Variants in TMEM161B observed in about 807,000 individuals in gnomAD.
TMEM161B encodes transmembrane protein 161B.
A neutral mutation model predicts 61.8 loss-of-function variants in TMEM161B; 34 were observed. The ratio of observed to expected loss-of-function variants is 0.55; its 90% CI spans 0.42 to 0.73. TMEM161B has a LOEUF of 0.73. TMEM161B is among the 30% of genes least tolerant of loss of function. TMEM161B has a pLI of 0.00. For synonymous variants in TMEM161B, 167 were observed against 192.8 expected, an observed-to-expected ratio of 0.87 and a Z score of 1.11; for missense variants, 456 against 558.5, an observed-to-expected ratio of 0.82 and a Z score of 1.85.
At chr5:88,190,372 G>A, downstream of TMEM161B, 1 of 654,946 alleles carries the variant, frequency 1.5e-6, no homozygotes, top group Non-Finnish European at 2.8e-6. Flanking sequence ...TAGATGGGTG[G>A]TTTCATGCAC....
chr5:88,206,018 T>C, intron 7 of TMEM161B, 64 bp from the exon 8 acceptor site: 6 of 1,241,118 alleles, frequency 4.8e-6, no homozygotes, highest in Non-Finnish European at 6.8e-6. Context: ...GAATTTCTTT[T>C]CTTCTAATCA....
At chr5:88,206,008 G>A in intron 7 of TMEM161B, 54 bp from the exon 8 acceptor site, 1 of 1,334,456 alleles carries the variant, frequency 7.5e-7, no homozygotes, top group East Asian at 2.5e-5. Flanking sequence ...AGCTTTTGAA[G>A]AATTTCTTTT....
chr5:88,261,317 C>T (rs541112880), intron 1 of TMEM161B, among the ~76,000 whole-genome samples: 1 of 151,490 alleles, frequency 6.6e-6, no homozygotes, highest in South Asian at 2.1e-4. Context: ...AGGATATTAC[C>T]AAGGAGGCAG....
intron 1 of TMEM161B, among the ~76,000 whole-genome samples, chr5:88,243,540 A>G (rs921850224): frequency 6.6e-6 from 1 of 151,946 alleles, no homozygotes; most frequent in Non-Finnish European, 1.5e-5. Context: ...TATTGTGAAT[A>G]GTGCTGCAAT....
At chr5:88,255,514 T>C (rs775997280) in intron 1 of TMEM161B, among the ~76,000 whole-genome samples, 1 of 152,212 alleles carries the variant, frequency 6.6e-6, no homozygotes, top group African/African-American at 2.4e-5. Flanking sequence ...TCCTATGAAA[T>C]TGCTAATACT....
In TMEM161B at chr5:88,228,454, T is replaced by C. The variant is rs772422752; in HGVS notation, c.182A>G (p.Lys61Arg). The C allele has an allele frequency of 3.1e-6, 5 of 1,606,432 alleles. No individual in the cohort carries two copies. The Admixed American group carries it at 8.4e-5, about 27-fold the overall frequency. Residue 61 changes from lysine to arginine, a missense_variant, in exon 3 of 12, where the codon AAA becomes AGA. By Grantham distance (26) the Lys-to-Arg change is conservative. Coordinates refer to ENST00000296595, the MANE Select transcript of TMEM161B (RefSeq NM_153354.5). ...LAGKQQKGKT[K>R]KDRKYNGHIE... ...GCTCAATAAAACTTACCTATCTTTT[T>C]TGGTTTTCCCTTTTTGTTGTTTCCC...
intron 1 of TMEM161B, among the ~76,000 whole-genome samples, chr5:88,260,348 C>T (rs572091550): frequency 1.3e-5 from 2 of 152,178 alleles, no homozygotes; most frequent in Non-Finnish European, 2.9e-5. Flanking sequence ...TAATCAGAAT[C>T]ACAGAAACTT....
intron 7 of TMEM161B, 84 bp downstream of exon 7, chr5:88,206,355 A>T: frequency 1.7e-6 from 2 of 1,159,786 alleles, no homozygotes; most frequent in Non-Finnish European, 2.4e-6. Flanking sequence ...TTACTAATTT[A>T]AAACAGCTAT....
Position 88,196,100 on chromosome 5 carries a change from G to GTT in TMEM161B, c.*109_*110dup. ...CATTTAATACAAGACATTCTGATATGTTTTTTTTTTCCCATTGTATTTGCT... is the reference window on the plus strand; with the variant it reads ...CATTTAATACAAGACATTCTGATATGTTTTTTTTTTTTCCCATTGTATTTGCT... On this transcript the variant is annotated 3_prime_UTR_variant, in exon 12 of 12. Transcript: ENST00000296595. 3.0e-6 allele frequency: 4 copies of GTT among 1,339,420 alleles called. No homozygotes were observed. The highest frequency in any genetic ancestry group is 5.4e-5 in the East Asian group (2 of 37,364). The allele number at this position is 1,339,420 out of a possible 1,614,324, so 83.0% of individuals were successfully genotyped here.
In TMEM161B at chr5:88,196,490, T is replaced by C; in HGVS notation, c.1187-2A>G. On this transcript the variant is annotated splice_acceptor_variant, in intron 11 of 11. Transcript: ENST00000296595. LOFTEE classifies it high-confidence loss of function. ...GATAAATACCCCAGGAATGATTACC[T>C]AGAAAATCAAAGACACAAATACAAT... 1 of 1,562,584 alleles carries C rather than the reference T, an allele frequency of 6.4e-7. No individual in the cohort carries two copies. Among genetic ancestry groups the C allele is most frequent in the South Asian group, 1.2e-5 (1 of 83,638 alleles).
intron 10 of TMEM161B, chr5:88,198,463 A>T (rs1750083321): frequency 6.6e-6 from 1 of 152,016 alleles, no homozygotes; most frequent in Non-Finnish European, 1.5e-5. Flanking sequence ...TAATAAAGCA[A>T]GGTAGCCAAA....
downstream of TMEM161B, among the ~76,000 whole-genome samples, chr5:88,193,418 C>T (rs1749166775): frequency 6.6e-6 from 1 of 152,064 alleles, no homozygotes; most frequent in Non-Finnish European, 1.5e-5. Flanking sequence ...TAAAATATTA[C>T]TTGGTTTACA....
At chr5:88,206,400 G>T in intron 7 of TMEM161B, 39 bp downstream of exon 7, 1 of 1,477,188 alleles carries the variant, frequency 6.8e-7, no homozygotes, top group Non-Finnish European at 9.2e-7. Flanking sequence ...AAATAGAAAA[G>T]GTTAAATTTA....
intron 2 of TMEM161B, among the ~76,000 whole-genome samples, chr5:88,239,813 C>T (rs1019619772): frequency 6.6e-6 from 1 of 151,862 alleles, no homozygotes; most frequent in South Asian, 2.1e-4. Flanking sequence ...AATGGGATGA[C>T]CCTGAATGAA....
chr5:88,215,969 C>A (rs982014365), intron 5 of TMEM161B, among the ~76,000 whole-genome samples: 1 of 152,094 alleles, frequency 6.6e-6, no homozygotes, highest in Non-Finnish European at 1.5e-5. Flanking sequence ...CAATAATAAG[C>A]AATACTGGCA....
intron 2 of TMEM161B, among the ~76,000 whole-genome samples, chr5:88,239,847 T>C (rs1339786680): frequency 1.3e-5 from 2 of 152,136 alleles, no homozygotes; most frequent in Admixed American, 6.6e-5. Context: ...TTGTAGAACA[T>C]GAAATCATTA....
chr5:88,207,100 A>C lies in TMEM161B; in HGVS notation c.527T>G (p.Phe176Cys), dbSNP rs1302698146. 1.2e-6 allele frequency: 2 copies of C among 1,613,228 alleles called. No homozygotes were observed. The highest frequency in any genetic ancestry group is 1.7e-6 in the Non-Finnish European group (2 of 1,179,542). ...TGCCATTGCTTTGACAAAGAAAAAA[A>C]ATCCAAAGGTGACACAAACAGATCT... ...GERSVCVTFGFFFFVKAMAVL... is the reference protein window; with the variant it reads ...GERSVCVTFGCFFFVKAMAVL... The change falls in exon 6 of 12, where the codon TTT becomes TGT. Residue 176 changes from phenylalanine (F) to cysteine (C), a missense_variant. Physicochemically the swap from Phe to Cys is radical, Grantham distance 205 (BLOSUM62 -2). This residue lies in a region of TMEM161B where 367 missense variants were observed against 427.3 expected (regional missense o/e 0.86). Transcript: ENST00000296595.
At chr5:88,210,323 C>T (rs1746457031) in intron 5 of TMEM161B, among the ~76,000 whole-genome samples, 1 of 152,096 alleles carries the variant, frequency 6.6e-6, no homozygotes, top group Admixed American at 6.5e-5. Context: ...TGGATCAATA[C>T]AATACAAACA....
chr5:88,243,564 C>G (rs1349286685), intron 1 of TMEM161B, among the ~76,000 whole-genome samples: 2 of 151,848 alleles, frequency 1.3e-5, no homozygotes, highest in Non-Finnish European at 2.9e-5. Context: ...CATACACATG[C>G]ATGTGTGTTT....
Sources: allele counts gnomAD v4.1 joint callset (sites outside exome capture counted in the v4.1 genomes callset), GRCh38; gene constraint gnomAD v4.1.1; regional missense constraint gnomAD v4.1.1; transcripts MANE v1.5; gene names NCBI Gene and HGNC (gene_info 2026-07-23, HGNC 2026-07-21).